CLSTN2: variants seen among roughly 807,000 people sequenced by gnomAD.
CLSTN2 encodes calsyntenin-2.
A neutral mutation model predicts 101.2 loss-of-function variants in CLSTN2; 48 were observed. The observed-to-expected ratio is 0.47, with a 90% CI of 0.38 to 0.60. The LOEUF (loss-of-function observed/expected upper bound fraction) is 0.60. Ranked by LOEUF, CLSTN2 falls within the 20% of genes least tolerant of loss-of-function variation. The pLI is 0.00. For missense variants in CLSTN2, 1,160 were observed against 1,238.2 expected (o/e 0.94, Z 0.95); for synonymous variants, 481 against 463.6 (o/e 1.04, Z -0.48).
rs935095655 is a variant in CLSTN2, at chr3:140,568,464, T to C, written c.*2211T>C. ...GGAAACAGATATTTCTCCTGGGAAT[T>C]CTCCCAACCAAATAGCCCTTTTCTA... On this transcript the variant is annotated 3_prime_UTR_variant, in exon 17 of 17. Coordinates refer to ENST00000458420, the MANE Select transcript of CLSTN2 (RefSeq NM_022131.3). 6.6e-6 allele frequency: 1 copy of C among 152,130 alleles called. No individual in the cohort carries two copies. The highest frequency in any genetic ancestry group is 1.5e-5 in the Non-Finnish European group (1 of 68,026). The allele number at this position is 152,130 out of a possible 1,614,324, so 9.4% of individuals were successfully genotyped here.
chr3:140,200,029 G>C lies in CLSTN2; in HGVS notation c.232+23956G>C, dbSNP rs985637441. 2.6e-5 allele frequency among the ~76,000 whole-genome samples: 4 copies of C among 152,140 alleles called. 1 individual carries two copies. In the South Asian group the frequency reaches 8.3e-4, roughly 32 times the overall value. On this transcript the variant is annotated intron_variant, in intron 2 of 16. Coordinates refer to ENST00000458420, the MANE Select transcript of CLSTN2 (RefSeq NM_022131.3). ...ATTAAAAGCAGCTGGTGGCTCGCTG[G>C]GTACCTCCTACAAGGCCTTTAGTCC...
rs539952041 is a variant in CLSTN2 at position 140,116,614 on chromosome 3, A to G, written c.110-59337A>G. On this transcript the variant is annotated intron_variant, in intron 1 of 16. Transcript: ENST00000458420. ...ACTTTTGTACCATTCTGAGAGTGAGAGCCTCCTTAACTTTTGCGCCCCCCA... is the reference window on the plus strand; with the variant it reads ...ACTTTTGTACCATTCTGAGAGTGAGGGCCTCCTTAACTTTTGCGCCCCCCA... 7.2e-5 allele frequency among the ~76,000 whole-genome samples: 11 copies of G among 152,210 alleles called. No homozygotes were observed. In the East Asian group the frequency reaches 2.1e-3, roughly 29 times the overall value.
At chr3:140,530,001 C>A (rs958961064) in intron 8 of CLSTN2, among the ~76,000 whole-genome samples, 2 of 152,084 alleles carry the variant, frequency 1.3e-5, no homozygotes, top group Non-Finnish European at 2.9e-5. Context: ...GTAACCTTTG[C>A]AGAAAAAAAC....
chr3:140,144,228 G>A (rs1023538031), intron 1 of CLSTN2, among the ~76,000 whole-genome samples: 46 of 152,204 alleles, frequency 3.0e-4, no homozygotes, highest in African/African-American at 1.0e-3. Context: ...TATGACTCCT[G>A]TTAATGTAAA....
rs1447114270 is a variant in CLSTN2 at position 140,101,033 on chromosome 3, C to A, written c.110-74918C>A. On this transcript the variant is annotated intron_variant, in intron 1 of 16. Coordinates refer to ENST00000458420, the MANE Select transcript of CLSTN2 (RefSeq NM_022131.3). ...TGTAGAGACCCTGGTTGGAAAGAAG[C>A]ACCTGGTACACTGGGGTCACACTGG... Among the ~76,000 whole-genome samples the A allele has an allele frequency of 4.6e-5, 7 of 151,738 alleles. No individual in the cohort carries two copies. The South Asian group carries it at 1.5e-3, about 31-fold the overall frequency.
chr3:140,219,004 G>A (rs568588107), intron 2 of CLSTN2, among the ~76,000 whole-genome samples: 59 of 152,196 alleles, frequency 3.9e-4, no homozygotes, highest in Admixed American at 3.5e-3. Context: ...GTCACGTGAA[G>A]CTGTTTTGTT....
intron 2 of CLSTN2, among the ~76,000 whole-genome samples, chr3:140,346,033 G>C (rs1462462350): frequency 1.3e-5 from 2 of 152,198 alleles, no homozygotes; most frequent in Non-Finnish European, 2.9e-5. Context: ...GAAGTGAGTG[G>C]AGAGATTCAG....
chr3:140,075,750 C>T (rs960847480), intron 1 of CLSTN2, among the ~76,000 whole-genome samples: 3 of 152,080 alleles, frequency 2.0e-5, no homozygotes, highest in Non-Finnish European at 2.9e-5. Context: ...GGTTCTAGTG[C>T]TCAGCTTTTG....
At chr3:140,075,366 A>G (rs1205422232) in intron 1 of CLSTN2, among the ~76,000 whole-genome samples, 1 of 152,148 alleles carries the variant, frequency 6.6e-6, no homozygotes, top group Non-Finnish European at 1.5e-5. Flanking sequence ...TACATATCTC[A>G]TAGAACTCGA....
chr3:140,540,595 C>T (rs349551), intron 9 of CLSTN2, among the ~76,000 whole-genome samples: 8,140 of 152,060 alleles, frequency 0.054, 255 homozygotes, highest in Admixed American at 0.077. Context: ...AGGGGCATCC[C>T]CAGGAAACAG....
At chr3:140,425,447 G>A (rs76799183) in intron 5 of CLSTN2, among the ~76,000 whole-genome samples, 9,042 of 152,232 alleles carry the variant, frequency 0.059, 341 homozygotes, top group East Asian at 0.17. Context: ...CTCAGACCCC[G>A]GCTCTTCCGC....
intron 2 of CLSTN2, among the ~76,000 whole-genome samples, chr3:140,183,545 AATAGTAAT>A (rs989109481): frequency 4.6e-5 from 7 of 152,238 alleles, no homozygotes; most frequent in African/African-American, 1.4e-4. Context: ...TAATGAAATC[AATAGTAAT>A]AGCAGATCTG....
intron 15 of CLSTN2, 101 bp downstream of exon 15, chr3:140,563,304 C>T: frequency 7.2e-7 from 1 of 1,382,046 alleles, no homozygotes; most frequent in Admixed American, 2.0e-5. Flanking sequence ...CGTAGGTGCC[C>T]AGAACTGAGG....
In CLSTN2 at chr3:140,370,109, C is replaced by G. The variant is rs74695633; in HGVS notation, c.233-33520C>G. ...GAGGACGTGTGAACAGGTTGTCTGA[C>G]AGGGACTGGGTGGTCCAGAGCAGGG... On this transcript the variant is annotated intron_variant, in intron 2 of 16. Coordinates refer to ENST00000458420, the MANE Select transcript of CLSTN2 (RefSeq NM_022131.3). Among the ~76,000 whole-genome samples, 511 of 152,336 alleles carry G rather than the reference C, an allele frequency of 3.4e-3. 3 individuals carry two copies. Among genetic ancestry groups the G allele is most frequent in the African/African-American group, 0.011 (475 of 41,586 alleles).
At chr3:139,971,063 G>A (rs1452201719) in intron 1 of CLSTN2, among the ~76,000 whole-genome samples, 2 of 152,166 alleles carry the variant, frequency 1.3e-5, no homozygotes, top group Non-Finnish European at 2.9e-5. Flanking sequence ...TTTCTTCTTT[G>A]CACTCATTTG....
chr3:140,152,458 C>A (rs2009882877), intron 1 of CLSTN2, among the ~76,000 whole-genome samples: 1 of 152,186 alleles, frequency 6.6e-6, no homozygotes, highest in South Asian at 2.1e-4. Flanking sequence ...TACTTCTTCA[C>A]AATTATCCCA....
At chr3:140,554,310 C>T (rs1390382519) in intron 10 of CLSTN2, among the ~76,000 whole-genome samples, 1 of 152,286 alleles carries the variant, frequency 6.6e-6, no homozygotes. Flanking sequence ...AGACATCCAA[C>T]TCCTGTTTCA....
chr3:140,243,454 G>A (rs78223705), intron 2 of CLSTN2, among the ~76,000 whole-genome samples: 2,966 of 152,308 alleles, frequency 0.019, 47 homozygotes, highest in African/African-American at 0.042. Context: ...CTGTGGTTTA[G>A]TAAATGAATG....
rs1286474282 is a variant in CLSTN2 at position 140,564,099 on chromosome 3, T to C, written c.2621T>C (p.Met874Thr). 1.2e-6 allele frequency: 2 copies of C among 1,614,044 alleles called. No homozygotes were observed. Among genetic ancestry groups the C allele is most frequent in the Non-Finnish European group, 1.7e-6 (2 of 1,180,020 alleles). Residue 874 changes from methionine (M) to threonine (T), a missense_variant, in exon 16 of 17, where the codon ATG becomes ACG. By Grantham distance (81) the Met-to-Thr change is moderately conservative. Transcript: ENST00000458420. The stretch of plus-strand genomic sequence containing the variant: ...ACTGAGGCTGCCAAGGAATCTGAGA[T>C]GGACTGGGACGATTCTGCGCTGACT... ...QETEAAKESE[M>T]DWDDSALTIT...
Sources: allele counts gnomAD v4.1 joint callset (sites outside exome capture counted in the v4.1 genomes callset), GRCh38; gene constraint gnomAD v4.1.1; transcripts MANE v1.5; gene names NCBI Gene and HGNC (gene_info 2026-07-23, HGNC 2026-07-21).